ROR2: variants seen among roughly 807,000 people sequenced by gnomAD.
ROR2 encodes the protein tyrosine-protein kinase transmembrane receptor ROR2.
Under a neutral mutation model 74.9 loss-of-function variants are expected in ROR2, and 33 were observed. The observed-to-expected ratio is 0.44, with a 90% CI of 0.33 to 0.59. The LOEUF is 0.59. ROR2 is among the 20% of genes least tolerant of loss of function. ROR2 has a pLI of 0.02. For missense variants in ROR2, 1,216 were observed against 1,313.8 expected (o/e 0.93, Z 1.15); for synonymous variants, 586 against 558.7 (o/e 1.05, Z -0.69).
In ROR2 at chr9:91,723,581, T is replaced by C. The variant is rs899154522; in HGVS notation, c.*81A>G. ...GGCGGGCTCTTGTGATTGCTGAGTA[T>C]GGTGTCTTCTCAAAGGTGACTGAGG... is the stretch of plus-strand genomic sequence containing the variant. On this transcript the variant is annotated 3_prime_UTR_variant, in exon 9 of 9. Transcript: ENST00000375708. 8.3e-6 allele frequency: 13 copies of C among 1,565,282 alleles called. No homozygotes were observed. The African/African-American group carries it at 1.5e-4, about 18-fold the overall frequency.
At chr9:91,739,282 G>A (rs1825138723) in intron 4 of ROR2, among the ~76,000 whole-genome samples, 1 of 152,190 alleles carries the variant, frequency 6.6e-6, no homozygotes, top group African/African-American at 2.4e-5. Context: ...CAAGGCTGGT[G>A]AATCACTTGA....
rs1300568045 is a variant in ROR2 at position 91,724,163 on chromosome 9, T to G, written c.2331A>C (p.Pro777=). The change falls in exon 9 of 9, where the codon CCA becomes CCC. Residue 777 remains proline, a synonymous_variant. Coordinates refer to ENST00000375708, the MANE Select transcript of ROR2 (RefSeq NM_004560.4). ...AGCGGGCGTTGCTCACATTGCTCAC[T>G]GGGCTGGTGCTCAGGGAGCTGGTCT... ...TTQTSSLSTS[P]VSNVSNARYV... 5 of 1,612,160 alleles carry G rather than the reference T, an allele frequency of 3.1e-6. No individual in the cohort carries two copies. The African/African-American group carries it at 6.7e-5, about 22-fold the overall frequency.
At chr9:91,802,823 GAAGGCGA>G (rs1490584903) in intron 1 of ROR2, among the ~76,000 whole-genome samples, 4 of 152,104 alleles carry the variant, frequency 2.6e-5, no homozygotes, top group Non-Finnish European at 5.9e-5. Flanking sequence ...ACTCCAAGAG[GAAGGCGA>G]AAGGCATTCA....
At chr9:91,736,804 T>C (rs1053900046) in intron 5 of ROR2, among the ~76,000 whole-genome samples, 9 of 152,180 alleles carry the variant, frequency 5.9e-5, no homozygotes, top group Admixed American at 3.3e-4. Context: ...CAGTTCCTAA[T>C]TGACTTGCCA....
At chr9:91,830,528 AAGC>A (rs768942826) in intron 1 of ROR2, among the ~76,000 whole-genome samples, 2 of 152,158 alleles carry the variant, frequency 1.3e-5, no homozygotes, top group Non-Finnish European at 2.9e-5. Flanking sequence ...CAACTCCCAT[AAGC>A]AGGTTTCAGA....
intron 4 of ROR2, among the ~76,000 whole-genome samples, chr9:91,754,211 A>G (rs1414246092): frequency 1.3e-5 from 2 of 150,684 alleles, no homozygotes; most frequent in Non-Finnish European, 3.0e-5. Flanking sequence ...AAATATATAT[A>G]TTTACAATTT....
intron 1 of ROR2, among the ~76,000 whole-genome samples, chr9:91,851,973 T>TAAA (rs61049113): frequency 7.9e-5 from 11 of 138,958 alleles, no homozygotes; most frequent in African/African-American, 1.1e-4. Context: ...AAGACTCTGT[T>TAAA]AAAAAAAAAA....
chr9:91,883,567 C>A (rs1246916878), intron 1 of ROR2, among the ~76,000 whole-genome samples: 1 of 152,178 alleles, frequency 6.6e-6, no homozygotes, highest in Admixed American at 6.5e-5. Flanking sequence ...TCAATAGGGA[C>A]ATGTGGCTGC....
intron 2 of ROR2, among the ~76,000 whole-genome samples, chr9:91,760,588 C>T (rs1371795004): frequency 6.6e-6 from 1 of 150,440 alleles, no homozygotes; most frequent in Admixed American, 6.6e-5. Flanking sequence ...GAGCCGAGAT[C>T]GCGCCACTGC....
At chr9:91,730,323 G>A (rs1837192860) in intron 7 of ROR2, among the ~76,000 whole-genome samples, 1 of 152,154 alleles carries the variant, frequency 6.6e-6, no homozygotes, top group Admixed American at 6.5e-5. Context: ...GATGGAAGGG[G>A]GTGGGCCAAA....
At chr9:91,806,588 TTTTGTTTG>T (rs111898473) in intron 1 of ROR2, among the ~76,000 whole-genome samples, 2 of 151,880 alleles carry the variant, frequency 1.3e-5, no homozygotes, top group African/African-American at 2.4e-5. Flanking sequence ...ATCATATTAG[TTTTGTTTG>T]TTTGTTTGTT....
intron 1 of ROR2, among the ~76,000 whole-genome samples, chr9:91,776,206 A>T (rs1798626583): frequency 6.6e-6 from 1 of 152,154 alleles, no homozygotes; most frequent in Non-Finnish European, 1.5e-5. Context: ...CTCCAGATGG[A>T]GGTCCTGGTA....
chr9:91,945,375 G>A (rs1831988153), intron 1 of ROR2, among the ~76,000 whole-genome samples: 2 of 152,300 alleles, frequency 1.3e-5, no homozygotes, highest in South Asian at 4.1e-4. Flanking sequence ...CCTCCAGGAG[G>A]GTGTGGAAAC....
intron 1 of ROR2, among the ~76,000 whole-genome samples, chr9:91,881,987 G>A (rs1398738831): frequency 1.3e-5 from 2 of 152,182 alleles, no homozygotes; most frequent in African/African-American, 2.4e-5. Flanking sequence ...GGAGTGTAGG[G>A]TTCCACACAG....
chr9:91,867,889 A>C (rs1829688088), intron 1 of ROR2, among the ~76,000 whole-genome samples: 1 of 152,144 alleles, frequency 6.6e-6, no homozygotes, highest in African/African-American at 2.4e-5. Flanking sequence ...ACCCAAACAG[A>C]CTGACTGCCC....
intron 1 of ROR2, among the ~76,000 whole-genome samples, chr9:91,863,027 T>C (rs940826286): frequency 3.3e-5 from 5 of 152,226 alleles, no homozygotes; most frequent in African/African-American, 1.2e-4. Flanking sequence ...GATACCATAC[T>C]TCACACCTAC....
chr9:91,942,006 G>C (rs752980363), intron 1 of ROR2, among the ~76,000 whole-genome samples: 10 of 152,058 alleles, frequency 6.6e-5, no homozygotes, highest in Non-Finnish European at 1.3e-4. Flanking sequence ...GGCCAGGCTG[G>C]TCTTGAATTC....
chr9:91,847,210 C>T (rs1318526341), intron 1 of ROR2, among the ~76,000 whole-genome samples: 2 of 152,116 alleles, frequency 1.3e-5, no homozygotes, highest in African/African-American at 4.8e-5. Flanking sequence ...ATGTGCAGGT[C>T]TGCAGACAGC....
At chr9:91,834,112 T>C (rs1326546532) in intron 1 of ROR2, among the ~76,000 whole-genome samples, 1 of 152,126 alleles carries the variant, frequency 6.6e-6, no homozygotes, top group African/African-American at 2.4e-5. Context: ...CCAAAGTACA[T>C]GATCTCCATG....
Sources: allele counts gnomAD v4.1 joint callset (sites outside exome capture counted in the v4.1 genomes callset), GRCh38; gene constraint gnomAD v4.1.1; transcripts MANE v1.5; gene names NCBI Gene and HGNC (gene_info 2026-07-23, HGNC 2026-07-21).